STARD13: variants seen among roughly 807,000 people sequenced by gnomAD.
The protein encoded by STARD13 is stAR-related lipid transfer protein 13.
STARD13 carries 62 observed loss-of-function variants against 106.4 expected under a neutral mutation model. The ratio of observed to expected loss-of-function variants is 0.58; its 90% CI spans 0.48 to 0.72. The LOEUF (loss-of-function observed/expected upper bound fraction) is 0.72, where lower values mean the gene tolerates loss of function less well. Among genes scored for constraint, STARD13 ranks in the 30% least tolerant of loss-of-function variants. The pLI, the probability that STARD13 is intolerant of heterozygous loss-of-function variation, is 0.00. For synonymous variants in STARD13, 565 were observed against 553.0 expected (o/e 1.02, Z -0.31); for missense variants, 1,387 against 1,424.0 (o/e 0.97, Z 0.42).
the STARD13 span, among the ~76,000 whole-genome samples, chr13:33,510,990 A>G: frequency 1.3e-5 from 2 of 152,170 alleles, no homozygotes; most frequent in African/African-American, 4.8e-5. Context: ...AATTGAGCTG[A>G]CACCTAAATT....
the STARD13 span, among the ~76,000 whole-genome samples, chr13:33,592,626 A>C: frequency 2.0e-5 from 3 of 152,190 alleles, no homozygotes; most frequent in Non-Finnish European, 4.4e-5. Flanking sequence ...CTTTAAAAAA[A>C]GTCTTTTATT....
At chr13:33,285,279 T>C (rs1482608909) in intron 1 of STARD13, among the ~76,000 whole-genome samples, 191 bp downstream of exon 1, 1 of 152,286 alleles carries the variant, frequency 6.6e-6, no homozygotes, top group African/African-American at 2.4e-5. Flanking sequence ...TGTTGAGCTA[T>C]GTGGCAGCTA....
At chr13:33,423,766 A>C in the STARD13 span, among the ~76,000 whole-genome samples, 1 of 152,226 alleles carries the variant, frequency 6.6e-6, no homozygotes, top group African/African-American at 2.4e-5. Context: ...ATGCAGCCAT[A>C]AAAAAGGATA....
At chr13:33,182,964 C>T (rs1260743598) in intron 1 of STARD13, among the ~76,000 whole-genome samples, 1 of 152,258 alleles carries the variant, frequency 6.6e-6, no homozygotes, top group Non-Finnish European at 1.5e-5. Context: ...CGGAGATCCC[C>T]AGTCCCAGGC....
intron 1 of STARD13, among the ~76,000 whole-genome samples, chr13:33,298,383 C>T (rs1036336546): frequency 2.0e-5 from 3 of 151,394 alleles, no homozygotes; most frequent in Non-Finnish European, 4.4e-5. Context: ...ATGATCCACC[C>T]ACCTCGGCCT....
At chr13:33,423,930 A>G in the STARD13 span, among the ~76,000 whole-genome samples, 2 of 152,072 alleles carry the variant, frequency 1.3e-5, no homozygotes, top group Non-Finnish European at 2.9e-5. Flanking sequence ...AACATCATAC[A>G]CTGGGGCCTG....
At chr13:33,261,257 A>G (rs559513493) in intron 1 of STARD13, among the ~76,000 whole-genome samples, 20 of 152,326 alleles carry the variant, frequency 1.3e-4, no homozygotes, top group Non-Finnish European at 1.8e-4. Flanking sequence ...TCTGGTATCC[A>G]GAGGTAAAAA....
chr13:33,298,129 T>C (rs1376760593), intron 1 of STARD13, among the ~76,000 whole-genome samples: 1 of 123,528 alleles, frequency 8.1e-6, no homozygotes, highest in African/African-American at 3.1e-5. Flanking sequence ...CAGTTTTTTT[T>C]TTTTTTTTTT....
the STARD13 span, among the ~76,000 whole-genome samples, chr13:33,663,321 A>G: frequency 6.6e-6 from 1 of 152,222 alleles, no homozygotes; most frequent in Non-Finnish European, 1.5e-5. Context: ...AGATCCAAAA[A>G]TATTATGGAC....
At chr13:33,596,650 T>C in the STARD13 span, among the ~76,000 whole-genome samples, 1 of 152,176 alleles carries the variant, frequency 6.6e-6, no homozygotes, top group Admixed American at 6.5e-5. Context: ...AATTATTCCT[T>C]CTAACTGTAT....
intron 12 of STARD13, among the ~76,000 whole-genome samples, chr13:33,109,085 T>G (rs1874155693): frequency 6.6e-6 from 1 of 152,202 alleles, no homozygotes; most frequent in Non-Finnish European, 1.5e-5. Flanking sequence ...AATATACATT[T>G]GGGAGTTTCA....
chr13:33,498,033 T>C, the STARD13 span, among the ~76,000 whole-genome samples: 1 of 152,154 alleles, frequency 6.6e-6, no homozygotes, highest in Non-Finnish European at 1.5e-5. Flanking sequence ...GACATTACAA[T>C]AGTGGCTAAT....
the STARD13 span, among the ~76,000 whole-genome samples, chr13:33,456,337 G>GCAT: frequency 6.6e-6 from 1 of 152,092 alleles, no homozygotes; most frequent in Non-Finnish European, 1.5e-5. Context: ...TTACAGGCGT[G>GCAT]AGCCACCATG....
At chr13:33,340,703 A>G (rs1268597400) in intron 1 of STARD13, among the ~76,000 whole-genome samples, 1 of 152,252 alleles carries the variant, frequency 6.6e-6, no homozygotes, top group African/African-American at 2.4e-5. Flanking sequence ...TATTTTGGAG[A>G]AAAATGTTAC....
At chr13:33,662,676 T>C in the STARD13 span, among the ~76,000 whole-genome samples, 1 of 152,176 alleles carries the variant, frequency 6.6e-6, no homozygotes, top group African/African-American at 2.4e-5. Context: ...AAGACAAATC[T>C]GTGGGAGCAG....
chr13:33,250,508 AT>A (rs1890048672), intron 1 of STARD13, among the ~76,000 whole-genome samples: 2 of 152,234 alleles, frequency 1.3e-5, no homozygotes, highest in Non-Finnish European at 2.9e-5. Context: ...AAGCAACTTC[AT>A]TCTGGAACCC....
chr13:33,578,973 G>A, the STARD13 span, among the ~76,000 whole-genome samples: 1 of 152,028 alleles, frequency 6.6e-6, no homozygotes, highest in Non-Finnish European at 1.5e-5. Context: ...CAGCCAGAAT[G>A]GTCATTGTTA....
intron 1 of STARD13, among the ~76,000 whole-genome samples, chr13:33,259,724 T>C (rs1890542757): frequency 6.6e-6 from 1 of 152,220 alleles, no homozygotes; most frequent in Non-Finnish European, 1.5e-5. Flanking sequence ...AAATTTAACC[T>C]GAACTGAAAG....
chr13:33,410,977 AT>A, the STARD13 span, among the ~76,000 whole-genome samples: 3 of 152,156 alleles, frequency 2.0e-5, no homozygotes, highest in Non-Finnish European at 4.4e-5. Flanking sequence ...ACTCATCAAA[AT>A]TTCCATGCAA....
Sources: gnomAD v4.1 joint callset for allele counts (sites outside exome capture counted in the v4.1 genomes callset) on GRCh38, gnomAD v4.1.1 for gene constraint, MANE v1.5 for transcripts, NCBI Gene and HGNC (gene_info 2026-07-23, HGNC 2026-07-21) for gene names.